MOCS1: variants seen among roughly 807,000 people sequenced by gnomAD.
MOCS1 encodes molybdenum cofactor synthesis 1, also known as molybdenum cofactor biosynthesis protein 1.
Under a neutral mutation model 57.6 loss-of-function variants are expected in MOCS1, and 39 were observed. The ratio of observed to expected loss-of-function variants is 0.68; its 90% CI spans 0.52 to 0.88. MOCS1 has a LOEUF of 0.88. Among genes scored for constraint, MOCS1 ranks in the 40% least tolerant of loss-of-function variants. MOCS1 has a pLI of 0.00. For missense variants in MOCS1, 795 were observed against 831.1 expected, an observed-to-expected ratio of 0.96 and a Z score of 0.53; for synonymous variants, 334 against 335.7, an observed-to-expected ratio of 1.00 and a Z score of 0.05.
At chr6:39,912,490 C>T (rs531339555) in intron 7 of MOCS1, 116 bp from the exon 8 acceptor site, 36 of 776,726 alleles carry the variant, frequency 4.6e-5, no homozygotes, top group Middle Eastern at 2.3e-4. Flanking sequence ...GAGGACCCCA[C>T]GTGAAGCTCC....
intron 1 of MOCS1, among the ~76,000 whole-genome samples, chr6:39,933,827 T>G (rs1445520514): frequency 6.6e-6 from 1 of 152,106 alleles, no homozygotes; most frequent in Non-Finnish European, 1.5e-5. Flanking sequence ...GCCCTGGGAC[T>G]ACAGTAACAA....
Position 39,904,827 on chromosome 6 carries a change from A to G in MOCS1, c.*1530T>C. On this transcript the variant is annotated 3_prime_UTR_variant, in exon 11 of 11. Transcript: ENST00000340692. Reference sequence around the variant, plus strand: ...ACTTGCACCTTTTTTATAAGAATATATTGTAATACTAAAAAATATTAAATT... The same window carrying G: ...ACTTGCACCTTTTTTATAAGAATATGTTGTAATACTAAAAAATATTAAATT... 4.4e-6 allele frequency: 2 copies of G among 454,068 alleles called. No individual in the cohort carries two copies. The highest frequency in any genetic ancestry group is 8.8e-6 in the Non-Finnish European group (2 of 226,798). 28.1% of individuals were successfully genotyped at this position (454,068 alleles called of 1,614,324 possible). A position where few individuals can be genotyped will look rare whatever the true frequency, so the allele number is the denominator to read the frequency against.
chr6:39,910,094 G>T, intron 8 of MOCS1, 139 bp from the exon 9 acceptor site: 1 of 1,299,144 alleles, frequency 7.7e-7, no homozygotes, highest in Non-Finnish European at 1.1e-6. Flanking sequence ...GCCCCTAGCA[G>T]TGAGAGACAG....
chr6:39,932,087 C>G (rs1389067371), intron 1 of MOCS1, among the ~76,000 whole-genome samples: 5 of 152,136 alleles, frequency 3.3e-5, no homozygotes, highest in African/African-American at 1.2e-4. Flanking sequence ...CCCACTTAAC[C>G]TCACTTCTCT....
intron 3 of MOCS1, among the ~76,000 whole-genome samples, chr6:39,922,809 C>G (rs527265749): frequency 6.6e-6 from 1 of 152,186 alleles, no homozygotes; most frequent in Non-Finnish European, 1.5e-5. Flanking sequence ...AACCTGCAAT[C>G]CTTTTGCTCT....
intron 8 of MOCS1, among the ~76,000 whole-genome samples, chr6:39,911,462 C>G (rs1039531329): frequency 2.0e-5 from 3 of 152,212 alleles, no homozygotes; most frequent in Non-Finnish European, 4.4e-5. Context: ...GAATGGCCAC[C>G]TAATTGGTCT....
rs1265285844 is a variant in MOCS1 at position 39,904,209 on chromosome 6, T to TCAA, written c.*2145_*2147dup. ...GATCTTCAGAAAAGCAGAATTTGGT[T>TCAA]CAACTGTTGACAGAGGACACAAATA... On this transcript the variant is annotated 3_prime_UTR_variant, in exon 11 of 11. Transcript: ENST00000340692. The TCAA allele has an allele frequency of 2.2e-6, 1 of 456,740 alleles. No individual in the cohort carries two copies. The highest frequency in any genetic ancestry group is 4.4e-6 in the Non-Finnish European group (1 of 226,974). The allele number at this position is 456,740 out of a possible 1,614,324, so 28.3% of individuals were successfully genotyped here.
rs1767211801 is a variant in MOCS1, at chr6:39,909,838, C to T, written c.1099G>A (p.Ala367Thr). The T allele has an allele frequency of 6.2e-7, 1 of 1,613,060 alleles. No homozygotes were observed. The stretch of plus-strand genomic sequence containing the variant: ...GCCCTCCCCACCCTGCACTTACCTG[C>T]ATGCTGCCGCTTCTTCCTGCCCACA... ...AAVGRKKRQH[A>T]GMFSISQMKN... The change falls in exon 9 of 11, where the codon GCA (alanine) becomes ACA (threonine). Residue 367 changes from alanine to threonine, a missense_variant. Around this residue, in one of 3 missense-constraint regions of MOCS1, gnomAD observed 374 missense variants for 422.6 expected, o/e 0.89. Transcript: ENST00000340692.
chr6:39,920,954 C>G (rs1441942856), intron 3 of MOCS1, among the ~76,000 whole-genome samples: 2 of 145,678 alleles, frequency 1.4e-5, no homozygotes, highest in African/African-American at 5.1e-5. Context: ...CCAGCCCGGG[C>G]AACAGAGCTA....
At position 39,925,819 on chromosome 6, in the gene MOCS1, C is replaced by A. The variant is rs1314629193; in HGVS notation, c.277G>T (p.Val93Phe). The change falls in exon 3 of 11, where the codon GTC (valine) becomes TTC (phenylalanine). Residue 93 changes from valine to phenylalanine, a missense_variant. Transcript: ENST00000340692. ...RCQYCMPEEGVPLTPKANLLT... is the reference protein window; with the variant it reads ...RCQYCMPEEGFPLTPKANLLT... The stretch of plus-strand genomic sequence containing the variant: ...AGGTTGGCTTTGGGGGTCAGCGGGA[C>A]CCCCTCCTCGGGCATGCAGTACTGA... 2 of 1,612,542 alleles carry A rather than the reference C, an allele frequency of 1.2e-6. No homozygotes were observed. Among genetic ancestry groups the A allele is most frequent in the Non-Finnish European group, 8.5e-7 (1 of 1,179,840 alleles).
intron 3 of MOCS1, among the ~76,000 whole-genome samples, chr6:39,923,002 G>A (rs1768060922): frequency 6.6e-6 from 1 of 152,228 alleles, no homozygotes; most frequent in African/African-American, 2.4e-5. Flanking sequence ...AAGATCAGAG[G>A]CTAGCCCCTG....
chr6:39,927,178 G>T, intron 2 of MOCS1, 151 bp downstream of exon 2: 2 of 918,438 alleles, frequency 2.2e-6, no homozygotes, highest in Non-Finnish European at 3.3e-6. Flanking sequence ...TGCCCCTGAA[G>T]CCCACCTGGC....
At chr6:39,920,700 C>A (rs933380249) in intron 3 of MOCS1, among the ~76,000 whole-genome samples, 13 of 152,266 alleles carry the variant, frequency 8.5e-5, no homozygotes, top group African/African-American at 3.1e-4. Context: ...GGGAATAGGC[C>A]AGGTGTGGTG....
At chr6:39,916,008 G>T in intron 4 of MOCS1, 60 bp downstream of exon 4, 1 of 1,541,706 alleles carries the variant, frequency 6.5e-7, no homozygotes. Flanking sequence ...CAATGGCCAT[G>T]CCCTCCCCAG....
In MOCS1 at chr6:39,909,908, T is replaced by C. The variant is rs757327636; in HGVS notation, c.1029A>G (p.Arg343=). ...NSEVSLRDHL[R]AGASEQELLR... is the part of the protein sequence containing the mutation. ...GCAGCTCCTGCTCAGAGGCCCCAGC[T>C]CGCAGGTGATCCCGCAGGGATACCT... The change falls in exon 9 of 11, where the codon CGA becomes CGG. Residue 343 remains arginine, a synonymous_variant. Coordinates refer to ENST00000340692, the MANE Select transcript of MOCS1 (RefSeq NM_001358530.2). The C allele has an allele frequency of 6.2e-7, 1 of 1,613,888 alleles. No individual in the cohort carries two copies. The highest frequency in any genetic ancestry group is 8.5e-7 in the Non-Finnish European group (1 of 1,180,008).
rs762229041 is a variant in MOCS1, at chr6:39,906,523, C to T, written c.1745G>A (p.Arg582Gln). ...CTCCACCCCGGTGGGGCCCCGAGCC[C>T]GGCAAGATGCCTGGATCTTCACGGC... ...RHAVKIQASC[R>Q]ARGPTGVEME... Residue 582 changes from arginine to glutamine, a missense_variant, in exon 11 of 11, where the codon CGG becomes CAG. Around this residue, in one of 3 missense-constraint regions of MOCS1, gnomAD observed 374 missense variants for 422.6 expected, o/e 0.89. Coordinates refer to ENST00000340692, the MANE Select transcript of MOCS1 (RefSeq NM_001358530.2). The T allele has an allele frequency of 1.6e-5, 26 of 1,613,764 alleles. No individual in the cohort carries two copies. Among genetic ancestry groups the T allele is most frequent in the African/African-American group, 4.0e-5 (3 of 74,940 alleles).
Position 39,916,058 on chromosome 6 carries a change from A to T in MOCS1, c.583+10T>A, listed in dbSNP as rs34757428. On this transcript the variant is annotated intron_variant, in intron 4 of 10. Transcript: ENST00000340692. ...TGGGAGGGACACCCACCCCATCCACATCCGCTCACCTTTCCTGCGGACAAT... is the reference window on the plus strand; with the variant it reads ...TGGGAGGGACACCCACCCCATCCACTTCCGCTCACCTTTCCTGCGGACAAT... 0.063 allele frequency: 101,382 copies of T among 1,597,882 alleles called. 3,712 individuals are homozygous for T. Among genetic ancestry groups the T allele is most frequent in the South Asian group, 0.094 (8,333 of 88,616 alleles).
chr6:39,912,419 G>T, intron 7 of MOCS1, 45 bp from the exon 8 acceptor site: 3 of 1,357,808 alleles, frequency 2.2e-6, no homozygotes, highest in Non-Finnish European at 3.2e-6. Context: ...GAGGGGATGG[G>T]CTACTGAGCC....
At chr6:39,927,826 G>C in intron 1 of MOCS1, 1 of 1,191,848 alleles carries the variant, frequency 8.4e-7, no homozygotes, top group South Asian at 1.6e-5. Context: ...GCATAAATGA[G>C]AAGAGACTGC....
Sources: gnomAD v4.1 joint callset for allele counts (sites outside exome capture counted in the v4.1 genomes callset) on GRCh38, gnomAD v4.1.1 for gene constraint, gnomAD v4.1.1 regional missense constraint, MANE v1.5 for transcripts, NCBI Gene and HGNC (gene_info 2026-07-23, HGNC 2026-07-21) for gene names.